NR2C1: variants seen among roughly 807,000 people sequenced by gnomAD.
NR2C1 encodes nuclear receptor subfamily 2 group C member 1.
A neutral mutation model predicts 74.8 loss-of-function variants in NR2C1; 33 were observed. That is an observed-to-expected ratio of 0.44 (90% CI 0.33 to 0.59). The LOEUF is 0.59. Ranked by LOEUF, NR2C1 falls within the 20% of genes least tolerant of loss-of-function variation. The pLI, the probability that NR2C1 is intolerant of heterozygous loss-of-function variation, is 0.02. For missense variants in NR2C1, 568 were observed against 715.6 expected (o/e 0.79, Z 2.35); for synonymous variants, 225 against 240.6 (o/e 0.94, Z 0.60).
In NR2C1 at chr12:95,042,558, AG is replaced by A. The variant is rs371407253; in HGVS notation, c.1132-1962del. Reference sequence around the variant, plus strand: ...TAAAATACCGCACCTGGCCCCTCAAAGGTATCTTCTATCTAAAAGGCTTGAG... The same window carrying A: ...TAAAATACCGCACCTGGCCCCTCAAAGTATCTTCTATCTAAAAGGCTTGAG... On this transcript the variant is annotated intron_variant, in intron 9 of 13. Transcript: ENST00000333003. 3.2e-3 allele frequency among the ~76,000 whole-genome samples: 491 copies of A among 152,180 alleles called. 6 individuals are homozygous for A. The highest frequency in any genetic ancestry group is 0.011 in the African/African-American group (476 of 41,538).
At chr12:95,053,907 TCTC>T (rs1218672382) in intron 7 of NR2C1, among the ~76,000 whole-genome samples, 1 of 152,112 alleles carries the variant, frequency 6.6e-6, no homozygotes, top group Non-Finnish European at 1.5e-5. Flanking sequence ...ACAGTCTCGA[TCTC>T]CTGACCTCGT....
chr12:95,037,694 G>C (rs989796576), intron 10 of NR2C1, among the ~76,000 whole-genome samples: 45 of 152,138 alleles, frequency 3.0e-4, no homozygotes, highest in African/African-American at 1.0e-3. Context: ...AGGAGATCGA[G>C]ATCGGCCTGG....
chr12:95,049,151 C>T lies in NR2C1; in HGVS notation c.1048G>A (p.Val350Ile). The T allele has an allele frequency of 4.3e-6, 7 of 1,614,030 alleles. No homozygotes were observed. Among genetic ancestry groups the T allele is most frequent in the African/African-American group, 2.7e-5 (2 of 75,036 alleles). The change falls in exon 9 of 14, where the codon GTA (valine) becomes ATA (isoleucine). Residue 350 changes from valine to isoleucine, a missense_variant. Physicochemically the swap from Val to Ile is conservative, Grantham distance 29. This residue lies in a region of NR2C1 where 239 missense variants were observed against 232.3 expected (regional missense o/e 1.03). Coordinates refer to ENST00000333003, the MANE Select transcript of NR2C1 (RefSeq NM_003297.4). ...QSSVAGMEGSVHLITGDSSIN... is the reference protein window; with the variant it reads ...QSSVAGMEGSIHLITGDSSIN... ...CTTGAATCTCCAGTGATTAGGTGTA[C>T]ACTTCCTTCCATGCCCGCTACTGAG...
intron 11 of NR2C1, 152 bp downstream of exon 11, chr12:95,031,197 T>C (rs1476820803): frequency 1.5e-6 from 1 of 665,204 alleles, no homozygotes; most frequent in Non-Finnish European, 2.2e-6. Context: ...TTAGTAAATT[T>C]ATAAAATTGT....
chr12:95,042,584 G>A (rs1310117801), intron 9 of NR2C1, among the ~76,000 whole-genome samples: 3 of 151,900 alleles, frequency 2.0e-5, no homozygotes, highest in African/African-American at 7.3e-5. Context: ...AAAGGCTTGA[G>A]GTTTGAAACA....
intron 1 of NR2C1, among the ~76,000 whole-genome samples, chr12:95,071,801 T>G (rs1161636091): frequency 1.3e-5 from 2 of 149,862 alleles, no homozygotes; most frequent in Non-Finnish European, 1.5e-5. Context: ...CAGGCTGGAG[T>G]GCAATGGCGC....
At chr12:95,049,477 TATA>T (rs1427899609) in intron 8 of NR2C1, 5 of 345,448 alleles carry the variant, frequency 1.4e-5, no homozygotes, top group East Asian at 4.6e-5. Context: ...CATATTTTCA[TATA>T]ATAATATGTT....
chr12:95,041,537 T>A (rs569999290), intron 9 of NR2C1, among the ~76,000 whole-genome samples: 7 of 152,246 alleles, frequency 4.6e-5, no homozygotes, highest in Non-Finnish European at 7.4e-5. Context: ...AAAAATGTTT[T>A]AAAAATTACA....
intron 10 of NR2C1, 68 bp downstream of exon 10, chr12:95,040,406 TAA>T (rs1871376622): frequency 2.8e-5 from 41 of 1,460,722 alleles, no homozygotes; most frequent in Middle Eastern, 1.8e-4. Context: ...CTTCCCAAAA[TAA>T]AAAGTTTTGT....
intron 7 of NR2C1, among the ~76,000 whole-genome samples, chr12:95,056,908 G>C (rs546798853): frequency 1.1e-4 from 16 of 148,552 alleles, no homozygotes; most frequent in African/African-American, 4.0e-4. Flanking sequence ...GCAGTGAGCC[G>C]AGACTGTGCC....
chr12:95,053,298 T>G (rs1258839808), intron 7 of NR2C1, among the ~76,000 whole-genome samples: 1 of 152,068 alleles, frequency 6.6e-6, no homozygotes, highest in Non-Finnish European at 1.5e-5. Flanking sequence ...TAATGTTTGT[T>G]GAAAATGTGT....
At chr12:95,045,021 T>C (rs113220345) in intron 9 of NR2C1, among the ~76,000 whole-genome samples, 1,524 of 152,296 alleles carry the variant, frequency 0.01, 6 homozygotes, top group Middle Eastern at 0.02. Context: ...CTGGGCAACA[T>C]AGTGAAACCT....
At chr12:95,025,890 A>G (rs1001099430) in intron 12 of NR2C1, among the ~76,000 whole-genome samples, 1 of 151,740 alleles carries the variant, frequency 6.6e-6, no homozygotes, top group Non-Finnish European at 1.5e-5. Context: ...AATAGGAGCA[A>G]AAGGTAAATG....
At chr12:95,057,402 G>C in intron 7 of NR2C1, 151 bp downstream of exon 7, 1 of 591,304 alleles carries the variant, frequency 1.7e-6, no homozygotes, top group Non-Finnish European at 2.8e-6. Context: ...ACTGTGCCCA[G>C]CCGAACATTT....
chr12:95,051,766 A>G lies in NR2C1; in HGVS notation c.961T>C (p.Ser321Pro), dbSNP rs772025255. Reference protein sequence around the residue: ...FQEMQTNGDVSRAFDTLAKAL... With the variant: ...FQEMQTNGDVPRAFDTLAKAL... ...GATAATCAAAAGATACCTTACCTTG[A>G]AACATCACCGTTGGTCTGCATTTCT... Residue 321 changes from serine (S) to proline (P), a missense_variant, in exon 8 of 14, where the codon TCA (serine) becomes CCA (proline). Physicochemically the swap from Ser to Pro is moderately conservative, Grantham distance 74. Around this residue, in one of 6 missense-constraint regions of NR2C1, gnomAD observed 239 missense variants for 232.3 expected, o/e 1.03. Coordinates refer to ENST00000333003, the MANE Select transcript of NR2C1 (RefSeq NM_003297.4). 1 of 1,599,422 alleles carries G rather than the reference A, an allele frequency of 6.3e-7. No individual in the cohort carries two copies. Among genetic ancestry groups the G allele is most frequent in the Non-Finnish European group, 8.5e-7 (1 of 1,176,430 alleles).
chr12:95,058,752 C>A (rs703692), intron 4 of NR2C1, among the ~76,000 whole-genome samples: 19 of 152,022 alleles, frequency 1.2e-4, no homozygotes, highest in African/African-American at 4.6e-4. Context: ...ATATCCCCAA[C>A]TAGCTGGGAC....
chr12:95,064,285 C>T (rs1020848383), intron 2 of NR2C1, among the ~76,000 whole-genome samples: 5 of 148,644 alleles, frequency 3.4e-5, no homozygotes, highest in Admixed American at 2.0e-4. Flanking sequence ...GCTGAGATCG[C>T]GCCAATGCAC....
chr12:95,061,678 A>G (rs1287661193), intron 3 of NR2C1, among the ~76,000 whole-genome samples: 1 of 152,180 alleles, frequency 6.6e-6, no homozygotes. Context: ...CCAAAGAGGA[A>G]TTTTCTTTCG....
In NR2C1 at chr12:95,020,699, G is replaced by A. The variant is rs560758506; in HGVS notation, c.*1530C>T. 7 of 152,154 alleles carry A rather than the reference G, an allele frequency of 4.6e-5. No individual in the cohort carries two copies. Among genetic ancestry groups the A allele is most frequent in the Admixed American group, 2.6e-4 (4 of 15,286 alleles). 9.4% of individuals were successfully genotyped at this position (152,154 alleles called of 1,614,324 possible). On this transcript the variant is annotated 3_prime_UTR_variant, in exon 14 of 14. Transcript: ENST00000333003. ...AAAATGTACTCTGAGTGCATTATCC[G>A]TGTTTGCTTTAAAAATCAACAAACA...
Sources: gnomAD v4.1 joint callset for allele counts (sites outside exome capture counted in the v4.1 genomes callset) on GRCh38, gnomAD v4.1.1 for gene constraint, gnomAD v4.1.1 regional missense constraint, MANE v1.5 for transcripts, NCBI Gene and HGNC (gene_info 2026-07-23, HGNC 2026-07-21) for gene names.